BBOX1: variants seen among roughly 807,000 people sequenced by gnomAD.
BBOX1 encodes the protein gamma-butyrobetaine dioxygenase.
BBOX1 carries 35 observed loss-of-function variants against 41.6 expected under a neutral mutation model. The observed-to-expected ratio is 0.84, with a 90% CI of 0.64 to 1.11. The LOEUF (loss-of-function observed/expected upper bound fraction) is 1.11, where lower values mean the gene tolerates loss of function less well. BBOX1 is among the 50% of genes most tolerant of loss of function. The probability of loss-of-function intolerance (pLI) is 0.00; values close to 1 mark genes in which losing one functional copy is unlikely to be tolerated. For missense variants in BBOX1, 458 were observed against 460.6 expected (o/e 0.99, Z 0.05); for synonymous variants, 163 against 154.7 (o/e 1.05, Z -0.40).
chr11:27,115,862 T>C (rs998481345), intron 6 of BBOX1, among the ~76,000 whole-genome samples: 5 of 151,928 alleles, frequency 3.3e-5, no homozygotes, highest in African/African-American at 1.2e-4. Flanking sequence ...TAGGAGTAAA[T>C]CTTAAGGTCT....
chr11:27,061,028 T>G (rs1307007406), intron 4 of BBOX1, among the ~76,000 whole-genome samples: 1 of 152,224 alleles, frequency 6.6e-6, no homozygotes, highest in East Asian at 1.9e-4. Context: ...TATTTTAGAC[T>G]TCTTCTGGTA....
intron 4 of BBOX1, 123 bp downstream of exon 4, chr11:27,057,438 A>T: frequency 1.4e-6 from 1 of 735,716 alleles, no homozygotes; most frequent in Non-Finnish European, 2.2e-6. Flanking sequence ...CATGTAAATT[A>T]TGTGGTGTAT....
At chr11:27,105,751 A>G (rs1490681598) in intron 5 of BBOX1, among the ~76,000 whole-genome samples, 1 of 152,132 alleles carries the variant, frequency 6.6e-6, no homozygotes, top group African/African-American at 2.4e-5. Flanking sequence ...CACCACAAAG[A>G]TACTCCTCGA....
chr11:27,054,194 T>G (rs796948248), intron 2 of BBOX1, among the ~76,000 whole-genome samples: 34 of 130,250 alleles, frequency 2.6e-4, no homozygotes, highest in African/African-American at 1.0e-3. Context: ...ATAAGCTGTG[T>G]GTGTGTGTGT....
chr11:27,082,834 T>C (rs1033512281), intron 4 of BBOX1, among the ~76,000 whole-genome samples: 1 of 152,200 alleles, frequency 6.6e-6, no homozygotes, highest in African/African-American at 2.4e-5. Context: ...GTGTAATTCT[T>C]GTTTTCTTCA....
chr11:27,045,481 T>C (rs1326934530), intron 2 of BBOX1, among the ~76,000 whole-genome samples: 3 of 152,214 alleles, frequency 2.0e-5, no homozygotes, highest in Admixed American at 2.0e-4. Context: ...ATAGTAGTTG[T>C]GTCAGAGGGC....
rs1859402331 is a variant in BBOX1, at chr11:27,119,839, T to G, written c.830T>G (p.Ile277Ser). 4 of 1,497,466 alleles carry G rather than the reference T, an allele frequency of 2.7e-6. No homozygotes were observed. Among genetic ancestry groups the G allele is most frequent in the Admixed American group, 2.2e-5 (1 of 44,556 alleles). 92.8% of individuals were successfully genotyped at this position (1,497,466 alleles called of 1,614,324 possible). ...TTTTCTGTACAATCAAAACATAAAATTATAGAGTAAGTACTATTTATAAAT... is the reference window on the plus strand; with the variant it reads ...TTTTCTGTACAATCAAAACATAAAAGTATAGAGTAAGTACTATTTATAAAT... ...CDFSVQSKHK[I>S]IELDDKGQVV... The change falls in exon 7 of 9, where the codon ATT becomes AGT. Residue 277 changes from isoleucine to serine, a missense_variant. Coordinates refer to ENST00000263182, the MANE Select transcript of BBOX1 (RefSeq NM_003986.3).
intron 4 of BBOX1, among the ~76,000 whole-genome samples, chr11:27,081,485 T>C (rs1225287381): frequency 6.6e-6 from 1 of 152,170 alleles, no homozygotes; most frequent in Non-Finnish European, 1.5e-5. Context: ...TTCCAAGTCT[T>C]TGCTATTGTG....
At chr11:27,113,780 C>G (rs1044904123) in intron 5 of BBOX1, among the ~76,000 whole-genome samples, 1 of 150,680 alleles carries the variant, frequency 6.6e-6, no homozygotes, top group African/African-American at 2.4e-5. Flanking sequence ...ATATAACAAA[C>G]TTGCACATGT....
rs200195953 is a variant in BBOX1, at chr11:27,055,467, G to A, written c.37G>A (p.Gly13Arg). The part of the protein sequence containing the change: ...CTIQKAEALD[G>R]AHLMQILWYD... ...CATCCAAAAGGCAGAAGCACTTGAC[G>A]GGGCTCATTTGATGCAGATCCTCTG... Residue 13 changes from glycine to arginine, a missense_variant, in exon 3 of 9, where the codon GGG (glycine) becomes AGG (arginine). Physicochemically the swap from Gly to Arg is moderately radical, Grantham distance 125. Coordinates refer to ENST00000263182, the MANE Select transcript of BBOX1 (RefSeq NM_003986.3). 76 of 1,614,044 alleles carry A rather than the reference G, an allele frequency of 4.7e-5. No homozygotes were observed. Among genetic ancestry groups the A allele is most frequent in the Middle Eastern group, 1.7e-4 (1 of 5,974 alleles).
At chr11:27,043,843 T>C (rs1424285659) in intron 2 of BBOX1, among the ~76,000 whole-genome samples, 1 of 152,210 alleles carries the variant, frequency 6.6e-6, no homozygotes, top group Non-Finnish European at 1.5e-5. Flanking sequence ...CAGTCTATCA[T>C]TGATGAGCAT....
intron 4 of BBOX1, among the ~76,000 whole-genome samples, chr11:27,088,110 G>GA (rs1346591063): frequency 6.6e-6 from 1 of 151,382 alleles, no homozygotes; most frequent in African/African-American, 2.4e-5. Context: ...TTTTATAATG[G>GA]AAAAAAAAGC....
chr11:27,119,433 C>T (rs1368645394), intron 6 of BBOX1, among the ~76,000 whole-genome samples: 2 of 151,754 alleles, frequency 1.3e-5, no homozygotes, highest in Non-Finnish European at 2.9e-5. Flanking sequence ...TTATAAGCAA[C>T]TTTTTTCTTC....
chr11:27,053,969 C>T (rs905795724), intron 2 of BBOX1, among the ~76,000 whole-genome samples: 3 of 152,140 alleles, frequency 2.0e-5, no homozygotes, highest in Non-Finnish European at 2.9e-5. Context: ...ATTGACTCTG[C>T]TCCATAACTT....
chr11:27,054,521 A>G lies in BBOX1; in HGVS notation c.-38-872A>G, dbSNP rs142829894. ...AGTCACTAATGGAATCAGGATCAAC[A>G]CCGTTGCTCAAGCATAATACCACGG... On this transcript the variant is annotated intron_variant, in intron 2 of 8. Coordinates refer to ENST00000263182, the MANE Select transcript of BBOX1 (RefSeq NM_003986.3). Among the ~76,000 whole-genome samples, 537 of 152,240 alleles carry G rather than the reference A, an allele frequency of 3.5e-3. 2 individuals carry two copies. The highest frequency in any genetic ancestry group is 0.012 in the African/African-American group (508 of 41,548).
chr11:27,116,159 A>G (rs1042490126), intron 6 of BBOX1, among the ~76,000 whole-genome samples: 3 of 152,050 alleles, frequency 2.0e-5, no homozygotes, highest in Admixed American at 1.3e-4. Flanking sequence ...GGATGAGTTC[A>G]TGTCTTTTGC....
intron 5 of BBOX1, among the ~76,000 whole-genome samples, chr11:27,107,225 AAGTAACTAAG>A (rs1260116170): frequency 6.6e-6 from 1 of 152,190 alleles, no homozygotes; most frequent in Non-Finnish European, 1.5e-5. Context: ...AGAAGGCAAG[AAGTAACTAAG>A]ATCAGAGCAG....
intron 5 of BBOX1, among the ~76,000 whole-genome samples, chr11:27,112,288 T>C (rs1485497615): frequency 1.3e-5 from 2 of 151,904 alleles, no homozygotes; most frequent in African/African-American, 4.8e-5. Flanking sequence ...GTTGATAAAA[T>C]TGTAAAGAAA....
Position 27,125,795 on chromosome 11 carries a change from C to T in BBOX1, c.978C>T (p.Ser326=), listed in dbSNP as rs961946423. The T allele has an allele frequency of 1.2e-6, 2 of 1,610,506 alleles. No homozygotes were observed. Among genetic ancestry groups the T allele is most frequent in the Non-Finnish European group, 1.7e-6 (2 of 1,178,870 alleles). Residue 326 remains serine, a synonymous_variant, in exon 8 of 9, where the codon TCC becomes TCT. Coordinates refer to ENST00000263182, the MANE Select transcript of BBOX1 (RefSeq NM_003986.3). ...TTGACCTCATGAACAGCAAAGAATC[C>T]AAGTTTACCTTCAAGATGAATCCAG... ...EFVDLMNSKE[S]KFTFKMNPGD...
Sources: gnomAD v4.1 joint callset for allele counts (sites outside exome capture counted in the v4.1 genomes callset) on GRCh38, gnomAD v4.1.1 for gene constraint, MANE v1.5 for transcripts, NCBI Gene and HGNC (gene_info 2026-07-23, HGNC 2026-07-21) for gene names.